EYS: variants seen among roughly 807,000 people sequenced by gnomAD.
EYS encodes EGF-like photoreceptor maintenance factor.
A neutral mutation model predicts 282.1 loss-of-function variants in EYS; 250 were observed. The observed-to-expected ratio is 0.89, with a 90% CI of 0.80 to 0.98. The LOEUF (loss-of-function observed/expected upper bound fraction) is 0.98, where lower values mean the gene tolerates loss of function less well. Among genes scored for constraint, EYS ranks in the 50% least tolerant of loss-of-function variants. The probability of loss-of-function intolerance (pLI) is 0.00; values close to 1 mark genes in which losing one functional copy is unlikely to be tolerated. For synonymous variants in EYS, 1,355 were observed against 1,282.9 expected (o/e 1.06, Z -1.20); for missense variants, 4,016 against 3,709.0 (o/e 1.08, Z -2.15).
At chr6:64,670,081 T>C (rs1769393597) in intron 22 of EYS, among the ~76,000 whole-genome samples, 1 of 152,064 alleles carries the variant, frequency 6.6e-6, no homozygotes. Context: ...ATAATCACCA[T>C]AGAGATAATG....
chr6:64,912,279 C>T (rs183476685), intron 16 of EYS, among the ~76,000 whole-genome samples: 2 of 152,060 alleles, frequency 1.3e-5, no homozygotes, highest in East Asian at 3.9e-4. Flanking sequence ...TCCCTCTTCC[C>T]AATGGTTAAT....
At chr6:64,592,046 T>G in intron 25 of EYS, 57 bp from the exon 26 acceptor site, 1 of 1,287,096 alleles carries the variant, frequency 7.8e-7, no homozygotes, top group Non-Finnish European at 1.0e-6. Context: ...ACGAACCACT[T>G]TGGCACTGGG....
At chr6:64,315,315 AC>A (rs1769908316) in intron 29 of EYS, among the ~76,000 whole-genome samples, 1 of 152,210 alleles carries the variant, frequency 6.6e-6, no homozygotes, top group Non-Finnish European at 1.5e-5. Context: ...AGATGGATTC[AC>A]AGCCAAATTC....
intron 12 of EYS, among the ~76,000 whole-genome samples, chr6:65,284,048 G>C (rs145162478): frequency 2.4e-3 from 372 of 152,180 alleles, no homozygotes; most frequent in African/African-American, 8.6e-3. Context: ...AGTACTCCTG[G>C]AAGAGTTGAA....
chr6:65,021,681 G>T (rs1173368790), intron 13 of EYS, among the ~76,000 whole-genome samples: 1 of 152,170 alleles, frequency 6.6e-6, no homozygotes, highest in East Asian at 1.9e-4. Context: ...TCATTACCCA[G>T]TAGCAGTTTA....
intron 26 of EYS, among the ~76,000 whole-genome samples, chr6:64,526,601 T>C (rs1355277917): frequency 6.6e-6 from 1 of 151,836 alleles, no homozygotes; most frequent in African/African-American, 2.4e-5. Context: ...ATTTCAATAG[T>C]TTTTAAATTT....
At chr6:64,583,740 A>G (rs1485469417) in intron 26 of EYS, among the ~76,000 whole-genome samples, 2 of 152,062 alleles carry the variant, frequency 1.3e-5, no homozygotes, top group African/African-American at 4.8e-5. Context: ...GGTTGCAGTG[A>G]GTCGAGATTG....
chr6:64,591,674 A>G lies in EYS; in HGVS notation c.4193T>C (p.Leu1398Ser). 3 of 1,551,360 alleles carry G rather than the reference A, an allele frequency of 1.9e-6. No individual in the cohort carries two copies. The highest frequency in any genetic ancestry group is 2.4e-5 in the South Asian group (2 of 84,058). The change falls in exon 26 of 43, where the codon TTA becomes TCA. Residue 1398 changes from leucine to serine, a missense_variant. By Grantham distance (145) the Leu-to-Ser change is moderately radical. Transcript: ENST00000503581. ...TGTAGGAAAAATAAAATCTGACATT[A>G]AGGAAGACATGATAAATGGGGTCCT... Reference protein sequence around the residue: ...RARTPFIMSSLMSDFIFPTQS... With the variant: ...RARTPFIMSSSMSDFIFPTQS...
intron 30 of EYS, among the ~76,000 whole-genome samples, chr6:64,294,881 T>C (rs1359755045): frequency 6.6e-6 from 1 of 152,134 alleles, no homozygotes; most frequent in Non-Finnish European, 1.5e-5. Flanking sequence ...AAGTGTATGA[T>C]GAAAAGGGGG....
At chr6:64,895,458 T>A (rs75964447) in intron 18 of EYS, among the ~76,000 whole-genome samples, 6,838 of 152,272 alleles carry the variant, frequency 0.045, 205 homozygotes, top group East Asian at 0.17. Context: ...TGTTTGAATG[T>A]ATATTTATAT....
At chr6:63,787,564 T>C (rs1314545639) in intron 39 of EYS, among the ~76,000 whole-genome samples, 1 of 152,204 alleles carries the variant, frequency 6.6e-6, no homozygotes, top group Non-Finnish European at 1.5e-5. Flanking sequence ...ACATTTAGTG[T>C]TTATCTCTCC....
intron 30 of EYS, among the ~76,000 whole-genome samples, chr6:64,243,787 A>G (rs2150344653): frequency 6.6e-6 from 1 of 152,296 alleles, no homozygotes; most frequent in East Asian, 1.9e-4. Flanking sequence ...GGGATCTTTT[A>G]TTTTCATTAT....
intron 29 of EYS, among the ~76,000 whole-genome samples, chr6:64,335,903 A>T (rs1188269844): frequency 6.6e-6 from 1 of 152,140 alleles, no homozygotes; most frequent in Non-Finnish European, 1.5e-5. Context: ...GAAACAATAC[A>T]GTATTTTTCA....
chr6:64,622,104 T>C (rs1767464372), intron 23 of EYS, among the ~76,000 whole-genome samples: 1 of 152,184 alleles, frequency 6.6e-6, no homozygotes, highest in African/African-American at 2.4e-5. Context: ...ATTAGGACTG[T>C]CCTAAATGAT....
intron 35 of EYS, among the ~76,000 whole-genome samples, chr6:63,872,566 C>T (rs978167446): frequency 1.3e-5 from 2 of 149,746 alleles, no homozygotes; most frequent in African/African-American, 4.9e-5. Flanking sequence ...GCAGCCTCCA[C>T]CTTCTGGGTT....
At chr6:64,561,180 A>G (rs1220219456) in intron 26 of EYS, among the ~76,000 whole-genome samples, 1 of 152,312 alleles carries the variant, frequency 6.6e-6, no homozygotes, top group Non-Finnish European at 1.5e-5. Flanking sequence ...ATACTTCAAA[A>G]TAGTAAGAGT....
At chr6:64,990,150 T>C (rs879502915) in intron 14 of EYS, among the ~76,000 whole-genome samples, 1 of 151,518 alleles carries the variant, frequency 6.6e-6, no homozygotes, top group Admixed American at 6.6e-5. Context: ...ATGGAGTTAT[T>C]TACTGAGGCT....
chr6:65,538,914 C>CGT (rs1768060694), intron 2 of EYS, among the ~76,000 whole-genome samples: 3 of 152,088 alleles, frequency 2.0e-5, no homozygotes, highest in Non-Finnish European at 4.4e-5. Context: ...ATGCCATCCT[C>CGT]AGGGACTGAA....
chr6:63,776,098 C>A (rs1225628183), intron 40 of EYS, among the ~76,000 whole-genome samples: 1 of 152,080 alleles, frequency 6.6e-6, no homozygotes, highest in Non-Finnish European at 1.5e-5. Context: ...ATTTGTTACT[C>A]AAATTTAGGC....
Sources: allele counts gnomAD v4.1 joint callset (sites outside exome capture counted in the v4.1 genomes callset), GRCh38; gene constraint gnomAD v4.1.1; transcripts MANE v1.5; gene names NCBI Gene and HGNC (gene_info 2026-07-23, HGNC 2026-07-21).